The following PDE4D variants were observed in gnomAD, a reference collection of about 807,000 sequenced individuals.
PDE4D encodes the protein phosphodiesterase 4D.
In PDE4D, 24 loss-of-function variants were observed where a neutral mutation model predicts 87.4. The ratio of observed to expected loss-of-function variants is 0.27; its 90% CI spans 0.20 to 0.39. The LOEUF is 0.39. Ranked by LOEUF, PDE4D falls within the 10% of genes least tolerant of loss-of-function variation. PDE4D has a pLI of 1.00. For missense variants in PDE4D, 714 were observed against 1,041.0 expected (o/e 0.69, Z 4.32); for synonymous variants, 384 against 383.2 (o/e 1.00, Z -0.02).
intron 1 of PDE4D, among the ~76,000 whole-genome samples, chr5:59,830,039 T>A (rs1740948206): frequency 6.6e-6 from 1 of 152,086 alleles, no homozygotes; most frequent in South Asian, 2.1e-4. Context: ...TTGTCCCTAT[T>A]TAGTTACCAG....
chr5:59,701,742 G>T (rs114994238), intron 1 of PDE4D, among the ~76,000 whole-genome samples: 1,724 of 152,330 alleles, frequency 0.011, 30 homozygotes, highest in African/African-American at 0.039. Flanking sequence ...GCTGTGTGGT[G>T]CATAGTTGAT....
At chr5:59,018,214 A>C (rs1754422075) in intron 6 of PDE4D, among the ~76,000 whole-genome samples, 1 of 152,248 alleles carries the variant, frequency 6.6e-6, no homozygotes, top group Admixed American at 6.5e-5. Flanking sequence ...AACAGTTTGT[A>C]AACTATCAGA....
chr5:60,073,584 T>A (rs1306965242), intron 2 of PDE4D, among the ~76,000 whole-genome samples: 1 of 151,566 alleles, frequency 6.6e-6, no homozygotes, highest in East Asian at 1.9e-4. Context: ...ATAGTTTCAA[T>A]AAGAATGATT....
intron 2 of PDE4D, among the ~76,000 whole-genome samples, chr5:60,066,592 TATCATCATCATCATCATC>T (rs55735827): frequency 6.7e-6 from 1 of 149,578 alleles, no homozygotes; most frequent in African/African-American, 2.5e-5. Flanking sequence ...TAAAGCAAAT[TATCATCATCATCATCATC>T]ATCATCATCA....
At chr5:59,320,612 G>C (rs553783433) in intron 1 of PDE4D, among the ~76,000 whole-genome samples, 3 of 152,074 alleles carry the variant, frequency 2.0e-5, no homozygotes, top group African/African-American at 7.2e-5. Context: ...CTACTATATT[G>C]TCAATCATTG....
At chr5:59,468,410 GGAA>G (rs1312571243) in intron 1 of PDE4D, among the ~76,000 whole-genome samples, 2 of 151,994 alleles carry the variant, frequency 1.3e-5, no homozygotes, top group Non-Finnish European at 2.9e-5. Context: ...TCAGCATTAA[GGAA>G]GAAGAATACC....
intron 1 of PDE4D, among the ~76,000 whole-genome samples, chr5:60,265,627 G>A (rs1750121182): frequency 6.6e-6 from 1 of 152,112 alleles, no homozygotes; most frequent in Admixed American, 6.6e-5. Flanking sequence ...GATTACAGAT[G>A]GCTCAATCAG....
intron 1 of PDE4D, among the ~76,000 whole-genome samples, chr5:60,306,716 T>A (rs1754529987): frequency 6.6e-6 from 1 of 152,126 alleles, no homozygotes; most frequent in Non-Finnish European, 1.5e-5. Flanking sequence ...ACAATCCTAT[T>A]CTGATTAACG....
chr5:59,990,190 G>A (rs571400380), intron 2 of PDE4D, among the ~76,000 whole-genome samples: 37 of 152,056 alleles, frequency 2.4e-4, no homozygotes, highest in Non-Finnish European at 3.7e-4. Context: ...GGCTCATTGA[G>A]GTTGTTTCTC....
intron 1 of PDE4D, among the ~76,000 whole-genome samples, chr5:60,219,013 G>A (rs917351474): frequency 2.6e-5 from 4 of 151,890 alleles, no homozygotes; most frequent in Non-Finnish European, 5.9e-5. Context: ...AATTACCTTC[G>A]AAAAACCCAT....
Position 59,337,701 on chromosome 5 carries a change from G to A in PDE4D, c.456-121733C>T, listed in dbSNP as rs543520392. 2.4e-4 allele frequency among the ~76,000 whole-genome samples: 37 copies of A among 152,252 alleles called. No individual in the cohort carries two copies. In the South Asian group the frequency reaches 7.5e-3, roughly 31 times the overall value. On this transcript the variant is annotated intron_variant, in intron 1 of 14. Coordinates refer to ENST00000340635, the MANE Select transcript of PDE4D (RefSeq NM_001104631.2). ...GGCCATGTGTTGATATGTTCTGATT[G>A]CAGAGTTTGATGCCTCTCCTGGGTG...
rs112699810 is a variant in PDE4D at position 59,094,366 on chromosome 5, C to A, written c.809-55395G>T. ...TCTAGAAGACCAAAAAACAAAAAGACAAAAAAGGAAGAAAACAATTAAGAA... is the reference window on the plus strand; with the variant it reads ...TCTAGAAGACCAAAAAACAAAAAGAAAAAAAAGGAAGAAAACAATTAAGAA... On this transcript the variant is annotated intron_variant, in intron 5 of 14. Transcript: ENST00000340635. 7.7e-3 allele frequency among the ~76,000 whole-genome samples: 1,100 copies of A among 142,066 alleles called. 14 individuals are homozygous for A. The highest frequency in any genetic ancestry group is 0.027 in the African/African-American group (1,052 of 38,390). 93.2% of individuals were successfully genotyped at this position (142,066 alleles called of 152,430 possible).
At chr5:60,131,935 C>A (rs1036170945) in intron 2 of PDE4D, among the ~76,000 whole-genome samples, 5 of 152,182 alleles carry the variant, frequency 3.3e-5, no homozygotes, top group African/African-American at 9.7e-5. Flanking sequence ...GCTCCCTCTA[C>A]AAATATTCTC....
intron 1 of PDE4D, among the ~76,000 whole-genome samples, chr5:60,200,512 A>C (rs1343978232): frequency 1.4e-5 from 2 of 144,938 alleles, no homozygotes; most frequent in East Asian, 3.9e-4. Context: ...CTCTACAGCT[A>C]GAATCTAGAG....
intron 1 of PDE4D, among the ~76,000 whole-genome samples, chr5:60,466,779 C>T (rs908111343): frequency 3.3e-5 from 5 of 152,102 alleles, no homozygotes; most frequent in Admixed American, 1.3e-4. Flanking sequence ...CCTACTCTTT[C>T]CCTCCTGTTG....
chr5:59,175,963 G>A (rs1254940401), intron 5 of PDE4D, among the ~76,000 whole-genome samples: 2 of 151,634 alleles, frequency 1.3e-5, no homozygotes, highest in African/African-American at 4.9e-5. Flanking sequence ...TTATCTCCTT[G>A]AATTCTTGCA....
intron 1 of PDE4D, among the ~76,000 whole-genome samples, chr5:59,835,528 AC>A (rs1398315332): frequency 6.6e-6 from 1 of 152,078 alleles, no homozygotes; most frequent in Non-Finnish European, 1.5e-5. Context: ...CTATTTTCTT[AC>A]AGTTCTTTCA....
intron 3 of PDE4D, among the ~76,000 whole-genome samples, chr5:59,932,496 A>G (rs1756078311): frequency 6.6e-6 from 1 of 152,220 alleles, no homozygotes; most frequent in African/African-American, 2.4e-5. Flanking sequence ...TACTATTATT[A>G]AGTCCTCAGG....
At chr5:59,462,310 C>G (rs182478728) in intron 1 of PDE4D, among the ~76,000 whole-genome samples, 9 of 152,138 alleles carry the variant, frequency 5.9e-5, no homozygotes, top group Non-Finnish European at 1.2e-4. Context: ...TACCAATCCA[C>G]CCTGGCAAAA....
Sources: allele counts gnomAD v4.1 joint callset (sites outside exome capture counted in the v4.1 genomes callset), GRCh38; gene constraint gnomAD v4.1.1; transcripts MANE v1.5; gene names NCBI Gene and HGNC (gene_info 2026-07-23, HGNC 2026-07-21).